The following RGS7 variants were observed in gnomAD, a reference collection of about 807,000 sequenced individuals.
RGS7 encodes regulator of G protein signaling 7, also known as regulator of G-protein signaling 7.
A neutral mutation model predicts 81.1 loss-of-function variants in RGS7; 27 were observed. That is an observed-to-expected ratio of 0.33 (90% confidence interval 0.25 to 0.46). The LOEUF is 0.46. Among genes scored for constraint, RGS7 ranks in the 20% least tolerant of loss-of-function variants. The pLI, the probability that RGS7 is intolerant of heterozygous loss-of-function variation, is 1.00. For missense variants in RGS7, 396 were observed against 607.4 expected (o/e 0.65, Z 3.66); for synonymous variants, 208 against 207.7 (o/e 1.00, Z -0.01).
chr1:241,297,857 TG>T (rs2079517218), intron 2 of RGS7, among the ~76,000 whole-genome samples: 1 of 152,182 alleles, frequency 6.6e-6, no homozygotes, highest in South Asian at 2.1e-4. Context: ...TCAAACAACC[TG>T]CCTCAAAATG....
At position 240,949,109 on chromosome 1, in the gene RGS7, G is replaced by A. The variant is rs564838771; in HGVS notation, c.227-12403C>T. 5.3e-5 allele frequency among the ~76,000 whole-genome samples: 8 copies of A among 152,158 alleles called. No homozygotes were observed. The South Asian group carries it at 1.2e-3, about 24-fold the overall frequency. ...TTCACAAAAGGGTAGGTTAGACTAG[G>A]AATGGAAGGATTTTAGACTGTTGGT... On this transcript the variant is annotated intron_variant, in intron 4 of 18. Transcript: ENST00000440928.
chr1:240,932,520 T>TTTTTTTTA (rs1675637595), intron 5 of RGS7, among the ~76,000 whole-genome samples: 1 of 148,676 alleles, frequency 6.7e-6, no homozygotes, highest in Non-Finnish European at 1.5e-5. Flanking sequence ...TCACTTTTTT[T>TTTTTTTTA]TTTTTTGAGA....
At chr1:241,002,453 CAA>C (rs56234845) in intron 3 of RGS7, among the ~76,000 whole-genome samples, 58,239 of 145,662 alleles carry the variant, frequency 0.4, 11,513 homozygotes, top group East Asian at 0.54. Context: ...AACTCTGTCT[CAA>C]AAAAAAAAAA....
At chr1:241,011,648 G>A (rs911538811) in intron 3 of RGS7, among the ~76,000 whole-genome samples, 11 of 152,160 alleles carry the variant, frequency 7.2e-5, no homozygotes, top group African/African-American at 2.7e-4. Flanking sequence ...TAGCCTCTAG[G>A]TGCTTACTGT....
intron 18 of RGS7, 119 bp downstream of exon 18, chr1:240,800,522 C>T (rs925324361): frequency 8.3e-6 from 4 of 481,216 alleles, no homozygotes; most frequent in African/African-American, 4.0e-5. Context: ...CACATAACTC[C>T]ACTGAACTGG....
At chr1:240,972,367 T>TA (rs1157986207) in intron 4 of RGS7, among the ~76,000 whole-genome samples, 22 of 149,794 alleles carry the variant, frequency 1.5e-4, no homozygotes, top group African/African-American at 5.4e-4. Context: ...TATGCAGCCA[T>TA]AAAAAATGAT....
chr1:240,986,382 CT>C, intron 3 of RGS7, among the ~76,000 whole-genome samples: 1 of 152,250 alleles, frequency 6.6e-6, no homozygotes, highest in East Asian at 1.9e-4. Flanking sequence ...TGAATCCCAA[CT>C]GAGGCCATAA....
chr1:241,057,197 A>C (rs1175401243), intron 3 of RGS7, among the ~76,000 whole-genome samples: 1 of 152,132 alleles, frequency 6.6e-6, no homozygotes, highest in Non-Finnish European at 1.5e-5. Flanking sequence ...TTTTCACTGC[A>C]GATAGACAGA....
intron 3 of RGS7, among the ~76,000 whole-genome samples, chr1:241,090,658 C>T (rs548644523): frequency 6.6e-6 from 1 of 152,164 alleles, no homozygotes; most frequent in East Asian, 1.9e-4. Flanking sequence ...ATTAATTGTT[C>T]TTCCACTCTT....
intron 2 of RGS7, among the ~76,000 whole-genome samples, chr1:241,313,162 A>C (rs575657243): frequency 6.6e-6 from 1 of 152,234 alleles, no homozygotes; most frequent in Non-Finnish European, 1.5e-5. Flanking sequence ...TAAAAGTACA[A>C]AGTGAAGCAG....
At chr1:240,887,226 GTTTTTTTT>G (rs71297739) in intron 6 of RGS7, among the ~76,000 whole-genome samples, 1 of 76,382 alleles carries the variant, frequency 1.3e-5, no homozygotes, top group Non-Finnish European at 3.1e-5. Flanking sequence ...GAGTATATAG[GTTTTTTTT>G]TTTTTTTTTT....
intron 4 of RGS7, among the ~76,000 whole-genome samples, chr1:240,963,594 A>T (rs1467274118): frequency 6.6e-6 from 1 of 152,198 alleles, no homozygotes; most frequent in Non-Finnish European, 1.5e-5. Context: ...TTTTGCAACA[A>T]GAAAAATATC....
intron 2 of RGS7, among the ~76,000 whole-genome samples, chr1:241,231,893 A>G (rs2815856): frequency 0.58 from 87,968 of 152,016 alleles, 25,685 homozygotes; most frequent in African/African-American, 0.62. Context: ...CTAAAAACTC[A>G]TTGCCTAACT....
intron 2 of RGS7, among the ~76,000 whole-genome samples, chr1:241,157,821 C>CTTTTTTTTT (rs67249227): frequency 3.2e-5 from 3 of 94,714 alleles, no homozygotes; most frequent in Admixed American, 1.2e-4. Context: ...CTTTTCTTTT[C>CTTTTTTTTT]TTTTTTTTTT....
intron 3 of RGS7, among the ~76,000 whole-genome samples, chr1:241,047,282 T>A (rs550790404): frequency 6.6e-6 from 1 of 152,182 alleles, no homozygotes; most frequent in African/African-American, 2.4e-5. Flanking sequence ...TTTAGCTTCA[T>A]AGTTTCCCCA....
chr1:241,035,735 A>G (rs1366799642), intron 3 of RGS7, among the ~76,000 whole-genome samples: 1 of 152,172 alleles, frequency 6.6e-6, no homozygotes. Context: ...CATCACCATG[A>G]CCATCATTAT....
intron 2 of RGS7, among the ~76,000 whole-genome samples, chr1:241,169,905 C>G (rs576464966): frequency 8.6e-5 from 13 of 151,688 alleles, no homozygotes; most frequent in African/African-American, 3.1e-4. Context: ...CTCAACCAGC[C>G]AATTTCTCAC....
At chr1:240,817,833 C>A (rs77782541) in intron 10 of RGS7, among the ~76,000 whole-genome samples, 6,715 of 152,226 alleles carry the variant, frequency 0.044, 148 homozygotes, top group East Asian at 0.1. Context: ...GAACTCCTGA[C>A]CTCAGGCGAC....
At chr1:241,242,859 C>A (rs529155323) in intron 2 of RGS7, among the ~76,000 whole-genome samples, 2 of 152,038 alleles carry the variant, frequency 1.3e-5, no homozygotes, top group East Asian at 3.9e-4. Flanking sequence ...TTTTGGAGTT[C>A]CTTGTACATT....
Sources: gnomAD v4.1 joint callset for allele counts (sites outside exome capture counted in the v4.1 genomes callset) on GRCh38, gnomAD v4.1.1 for gene constraint, MANE v1.5 for transcripts, NCBI Gene and HGNC (gene_info 2026-07-23, HGNC 2026-07-21) for gene names.